Variants in SETD2 observed in about 807,000 individuals in gnomAD.
SETD2 encodes histone-lysine N-methyltransferase SETD2.
A neutral mutation model predicts 242.1 loss-of-function variants in SETD2; 31 were observed. The observed-to-expected ratio is 0.13, with a 90% CI of 0.10 to 0.17. The LOEUF (loss-of-function observed/expected upper bound fraction) is 0.17, where lower values mean the gene tolerates loss of function less well. SETD2 is among the 10% of genes least tolerant of loss of function. The pLI, the probability that SETD2 is intolerant of heterozygous loss-of-function variation, is 1.00. For synonymous variants in SETD2, 1,006 were observed against 1,066.5 expected (o/e 0.94, Z 1.11); for missense variants, 2,481 against 3,046.3 (o/e 0.81, Z 4.37).
At chr3:47,039,100 C>G (rs370925126) in intron 17 of SETD2, among the ~76,000 whole-genome samples, 44 of 152,214 alleles carry the variant, frequency 2.9e-4, no homozygotes, top group East Asian at 1.7e-3. Flanking sequence ...CCACAAGCAG[C>G]TAAGGATGTT....
At chr3:47,066,609 A>G (rs1467777252) in intron 13 of SETD2, among the ~76,000 whole-genome samples, 1 of 152,186 alleles carries the variant, frequency 6.6e-6, no homozygotes, top group African/African-American at 2.4e-5. Flanking sequence ...TCAACTTCCC[A>G]AAGTGCTAGG....
At chr3:47,164,833 A>G (rs534592389), upstream of SETD2, among the ~76,000 whole-genome samples, 8 of 152,240 alleles carry the variant, frequency 5.3e-5, no homozygotes, top group East Asian at 1.2e-3. The surrounding 1 kb of genome is among the most constrained non-coding windows in gnomAD (Gnocchi z 5.4). Flanking sequence ...CCCCCACCCG[A>G]AGTCTCCAAG....
At chr3:47,100,924 G>A (rs557456012) in intron 8 of SETD2, among the ~76,000 whole-genome samples, 1 of 149,668 alleles carries the variant, frequency 6.7e-6, no homozygotes, top group Non-Finnish European at 1.5e-5. Flanking sequence ...GCAGGAGAAC[G>A]GCATGAACCT....
chr3:47,115,986 A>T (rs2042837950), intron 4 of SETD2, among the ~76,000 whole-genome samples: 1 of 152,226 alleles, frequency 6.6e-6, no homozygotes, highest in South Asian at 2.1e-4. Flanking sequence ...ACTATTTATA[A>T]GAACAATACA....
intron 1 of SETD2, among the ~76,000 whole-genome samples, chr3:47,143,069 A>C (rs560266428): frequency 6.6e-6 from 1 of 152,308 alleles, no homozygotes; most frequent in Admixed American, 6.5e-5. Flanking sequence ...ATGCTGGAGG[A>C]TCACTTGAGC....
At position 47,124,079 on chromosome 3, in the gene SETD2, G is replaced by A. The variant is rs78759480; in HGVS notation, c.557C>T (p.Pro186Leu). Residue 186 changes from proline to leucine, a missense_variant, in exon 3 of 21, where the codon CCG becomes CTG. Pro to Leu is a moderately conservative substitution (Grantham distance 98). Around this residue, in one of 17 missense-constraint regions of SETD2, gnomAD observed 334 missense variants for 374.5 expected, o/e 0.89. Coordinates refer to ENST00000409792, the MANE Select transcript of SETD2 (RefSeq NM_014159.7). ...VIAESTTVDS[P>L]PSSPPPPPPP... ...AGGCGGTGGAGGCGGAGATGAGGGCGGTGAGTCTACAGTTGTTGATTCTGC... is the reference window on the plus strand; with the variant it reads ...AGGCGGTGGAGGCGGAGATGAGGGCAGTGAGTCTACAGTTGTTGATTCTGC... 2,106 of 1,551,808 alleles carry A rather than the reference G, an allele frequency of 1.4e-3. 28 individuals carry two copies. The African/African-American group carries it at 0.025, about 18-fold the overall frequency.
chr3:47,043,036 A>T (rs1356705440), intron 16 of SETD2, among the ~76,000 whole-genome samples: 2 of 139,682 alleles, frequency 1.4e-5, no homozygotes, highest in Non-Finnish European at 3.1e-5. Context: ...CTTTATCTTT[A>T]AAAAAAAAAA....
At chr3:47,040,040 G>T (rs899713259) in intron 17 of SETD2, among the ~76,000 whole-genome samples, 1 of 150,734 alleles carries the variant, frequency 6.6e-6, no homozygotes, top group African/African-American at 2.4e-5. Flanking sequence ...GCAGTAGCGC[G>T]ATCTCAGCTA....
At chr3:47,075,911 A>C (rs1200837945) in intron 12 of SETD2, among the ~76,000 whole-genome samples, 1 of 152,366 alleles carries the variant, frequency 6.6e-6, no homozygotes, top group South Asian at 2.1e-4. Context: ...TATGAAAGAA[A>C]GTATGAAGTT....
chr3:47,021,350 G>A (rs2038210843), intron 18 of SETD2, among the ~76,000 whole-genome samples: 2 of 152,184 alleles, frequency 1.3e-5, no homozygotes, highest in Non-Finnish European at 2.9e-5. Flanking sequence ...CATGCTCTCA[G>A]CGAGGGTACT....
chr3:47,058,476 AGAAT>A (rs1331374237), intron 14 of SETD2, among the ~76,000 whole-genome samples: 1 of 135,954 alleles, frequency 7.4e-6, no homozygotes, highest in African/African-American at 2.7e-5. Context: ...ACAAAGAGGG[AGAAT>A]ATTCACATAA....
chr3:47,152,841 T>C (rs536997258), intron 1 of SETD2, among the ~76,000 whole-genome samples: 5 of 152,312 alleles, frequency 3.3e-5, no homozygotes, highest in East Asian at 3.9e-4. Context: ...GCCAGCACAA[T>C]TGCAGTCTTA....
intron 4 of SETD2, among the ~76,000 whole-genome samples, chr3:47,114,876 CAAAAAAA>C (rs764948151): frequency 1.8e-5 from 1 of 55,078 alleles, no homozygotes; most frequent in Non-Finnish European, 4.5e-5. Context: ...GAGACTGTCT[CAAAAAAA>C]AAAAAAAAAA....
intron 13 of SETD2, among the ~76,000 whole-genome samples, chr3:47,063,172 C>CA (rs901349884): frequency 1.3e-5 from 2 of 152,002 alleles, no homozygotes; most frequent in African/African-American, 2.4e-5. Context: ...ATTTGGTTGA[C>CA]AAAAAAATCC....
At chr3:47,045,903 G>A (rs2039503533) in intron 16 of SETD2, among the ~76,000 whole-genome samples, 1 of 149,618 alleles carries the variant, frequency 6.7e-6, no homozygotes, top group African/African-American at 2.5e-5. Context: ...AGCCTCCTGA[G>A]TAGCTGGGAC....
chr3:47,098,118 GAA>G (rs1439006078), intron 8 of SETD2, 37 bp from the exon 9 acceptor site: 1 of 1,609,980 alleles, frequency 6.2e-7, no homozygotes, highest in African/African-American at 1.3e-5. Context: ...CAGCTATGTG[GAA>G]GTAAACCATA....
Position 47,121,416 on chromosome 3 carries a change from T to C in SETD2, c.3220A>G (p.Lys1074Glu), listed in dbSNP as rs1559744031. ...NRLQSVVVVP[K>E]NSTLPMEETS... Reference sequence around the variant, plus strand: ...TCTTCCATGGGCAAAGTAGAATTCTTTGGCACAACCACAACAGACTGGAGA... The same window carrying C: ...TCTTCCATGGGCAAAGTAGAATTCTCTGGCACAACCACAACAGACTGGAGA... Residue 1074 changes from lysine (K) to glutamate (E), a missense_variant, in exon 3 of 21, where the codon AAG becomes GAG. Physicochemically the swap from Lys to Glu is moderately conservative, Grantham distance 56 (BLOSUM62 1). Transcript: ENST00000409792. 6.2e-7 allele frequency: 1 copy of C among 1,611,132 alleles called. No individual in the cohort carries two copies. The highest frequency in any genetic ancestry group is 8.5e-7 in the Non-Finnish European group (1 of 1,179,998).
chr3:47,109,454 T>C (rs956586154), intron 5 of SETD2, among the ~76,000 whole-genome samples: 2 of 151,914 alleles, frequency 1.3e-5, no homozygotes, highest in African/African-American at 4.8e-5. Flanking sequence ...GAGACCAACC[T>C]GGGCAACACG....
chr3:47,130,444 G>A (rs1425537594), intron 1 of SETD2, among the ~76,000 whole-genome samples: 1 of 152,156 alleles, frequency 6.6e-6, no homozygotes, highest in Non-Finnish European at 1.5e-5. Flanking sequence ...ACCTAGGTAC[G>A]GCCAGGAAGA....
Sources: allele counts gnomAD v4.1 joint callset (sites outside exome capture counted in the v4.1 genomes callset), GRCh38; gene constraint gnomAD v4.1.1; regional missense constraint gnomAD v4.1.1; non-coding constraint Gnocchi (gnomAD v3.1); transcripts MANE v1.5; gene names NCBI Gene and HGNC (gene_info 2026-07-23, HGNC 2026-07-21).